The following EXT1 variants were observed in gnomAD, a reference collection of about 807,000 sequenced individuals.
EXT1 encodes exostosin-1.
A neutral mutation model predicts 82.5 loss-of-function variants in EXT1; 20 were observed. The observed-to-expected ratio is 0.24, with a 90% CI of 0.17 to 0.35. The LOEUF (loss-of-function observed/expected upper bound fraction) is 0.35, where lower values mean the gene tolerates loss of function less well. Ranked by LOEUF, EXT1 falls within the 10% of genes least tolerant of loss-of-function variation. The pLI is 1.00. For synonymous variants in EXT1, 348 were observed against 350.8 expected, an observed-to-expected ratio of 0.99 and a Z score of 0.09; for missense variants, 757 against 936.5, an observed-to-expected ratio of 0.81 and a Z score of 2.50.
intron 1 of EXT1, among the ~76,000 whole-genome samples, chr8:118,008,685 T>C (rs1043953028): frequency 3.3e-5 from 5 of 152,200 alleles, no homozygotes; most frequent in Non-Finnish European, 2.9e-5. Flanking sequence ...TAAAGCATTA[T>C]GTATTTAATT....
chr8:118,109,934 C>T (rs1010819723), intron 1 of EXT1, 151 bp downstream of exon 1: 20 of 1,268,144 alleles, frequency 1.6e-5, no homozygotes, highest in East Asian at 9.9e-5. Flanking sequence ...TCTAGCTGCA[C>T]ACCCGAACCG....
intron 1 of EXT1, among the ~76,000 whole-genome samples, chr8:117,920,988 C>G (rs1309550518): frequency 6.6e-6 from 1 of 152,196 alleles, no homozygotes; most frequent in South Asian, 2.1e-4. Flanking sequence ...ACATTTGGAA[C>G]AAGTTTGTAT....
intron 1 of EXT1, among the ~76,000 whole-genome samples, chr8:118,044,965 G>A (rs1445361414): frequency 2.6e-5 from 4 of 152,180 alleles, no homozygotes; most frequent in Admixed American, 1.3e-4. Flanking sequence ...ACTATCTGGC[G>A]CTTCACAGAA....
chr8:118,086,746 G>A (rs555184968), intron 1 of EXT1, among the ~76,000 whole-genome samples: 1 of 152,230 alleles, frequency 6.6e-6, no homozygotes, highest in East Asian at 1.9e-4. Context: ...AAAGGGGTTA[G>A]AAATCTAAAA....
rs1277497059 is a variant in EXT1 at position 117,835,558 on chromosome 8, A to G, written c.1057-7T>C. 1.2e-6 allele frequency: 2 copies of G among 1,605,338 alleles called. No individual in the cohort carries two copies. The highest frequency in any genetic ancestry group is 1.7e-5 in the Admixed American group (1 of 59,998). ...TCACAGGGACGCAGGCAGCCTGAGC[A>G]AAAAAGGGGACTTCGTGAATGTGAG... On this transcript the variant is annotated splice_region_variant and splice_polypyrimidine_tract_variant and intron_variant, in intron 2 of 10. Transcript: ENST00000378204.
rs535578919 is a variant in EXT1 at position 117,854,181 on chromosome 8, T to C, written c.963-16980A>G. On this transcript the variant is annotated intron_variant, in intron 1 of 10. Transcript: ENST00000378204. ...AGAGAGGTAAAGAAGGGAATTTCAG[T>C]TATTAAGGCATTAGTTTGGATTGGA... 1.4e-4 allele frequency among the ~76,000 whole-genome samples: 21 copies of C among 152,318 alleles called. No homozygotes were observed. The South Asian group carries it at 4.4e-3, about 32-fold the overall frequency.
intron 1 of EXT1, among the ~76,000 whole-genome samples, chr8:117,952,235 A>G (rs1377008922): frequency 6.6e-6 from 1 of 152,238 alleles, no homozygotes; most frequent in East Asian, 1.9e-4. Flanking sequence ...TAAATAGCAT[A>G]CACATTACTG....
intron 1 of EXT1, among the ~76,000 whole-genome samples, chr8:117,931,951 G>C (rs1814068783): frequency 6.6e-6 from 1 of 152,156 alleles, no homozygotes; most frequent in African/African-American, 2.4e-5. Context: ...ATATGAAGAA[G>C]AAAATGCCCA....
intron 1 of EXT1, among the ~76,000 whole-genome samples, chr8:117,987,930 A>T (rs911336736): frequency 4.6e-5 from 7 of 152,182 alleles, no homozygotes; most frequent in Non-Finnish European, 7.3e-5. Flanking sequence ...TCTACAAAAA[A>T]TACCAAAATT....
intron 1 of EXT1, among the ~76,000 whole-genome samples, chr8:117,949,082 TGAGA>T (rs1814441373): frequency 6.6e-6 from 1 of 152,150 alleles, no homozygotes; most frequent in African/African-American, 2.4e-5. Context: ...TATTCTTTGT[TGAGA>T]GTATTTAAGA....
rs1342886163 is a variant in EXT1 at position 118,010,447 on chromosome 8, C to T, written c.962+99638G>A. The stretch of plus-strand genomic sequence containing the variant: ...ACCCCCCACCTCTATTTCACCTCTA[C>T]CCAAATCTCATCAAAACAAGCAAAA... On this transcript the variant is annotated intron_variant, in intron 1 of 10. Coordinates refer to ENST00000378204, the MANE Select transcript of EXT1 (RefSeq NM_000127.3). Among the ~76,000 whole-genome samples the T allele has an allele frequency of 2.6e-5, 4 of 151,340 alleles. No individual in the cohort carries two copies. In the East Asian group the frequency reaches 7.7e-4, roughly 29 times the overall value.
At chr8:117,989,406 C>T (rs1815389544) in intron 1 of EXT1, among the ~76,000 whole-genome samples, 1 of 152,118 alleles carries the variant, frequency 6.6e-6, no homozygotes, top group Admixed American at 6.5e-5. Context: ...TTTTGTCTGT[C>T]TGCCTCCACT....
chr8:117,991,378 C>T (rs980113851), intron 1 of EXT1, among the ~76,000 whole-genome samples: 15 of 152,112 alleles, frequency 9.9e-5, no homozygotes, highest in African/African-American at 2.4e-4. Context: ...TTACTTTGTC[C>T]GGCTCATTGC....
chr8:118,053,719 C>G (rs888273283), intron 1 of EXT1, among the ~76,000 whole-genome samples: 2 of 152,230 alleles, frequency 1.3e-5, no homozygotes, highest in Non-Finnish European at 2.9e-5. Flanking sequence ...CCATTTTACA[C>G]ATGAGGGAGC....
At position 117,944,929 on chromosome 8, in the gene EXT1, G is replaced by A. The variant is rs548352773; in HGVS notation, c.963-107728C>T. On this transcript the variant is annotated intron_variant, in intron 1 of 10. Transcript: ENST00000378204. ...TGTAATCCCAGCACTTTGGGAGGCG[G>A]AGGCGGGCGGATCACGAGGTCAGGA... 2.6e-5 allele frequency among the ~76,000 whole-genome samples: 4 copies of A among 152,314 alleles called. No homozygotes were observed. In the East Asian group the frequency reaches 7.8e-4, roughly 30 times the overall value.
intron 1 of EXT1, among the ~76,000 whole-genome samples, chr8:118,091,744 C>CAAA (rs555971666): frequency 6.6e-6 from 1 of 152,032 alleles, no homozygotes; most frequent in African/African-American, 2.4e-5. Context: ...GACTCCATCT[C>CAAA]ACAAAAATAA....
At chr8:117,800,719 G>A (rs1823153759) in intron 10 of EXT1, among the ~76,000 whole-genome samples, 1 of 152,160 alleles carries the variant, frequency 6.6e-6, no homozygotes, top group African/African-American at 2.4e-5. Context: ...AAGAATCACT[G>A]CTCACCCAGA....
chr8:117,925,580 AGAAATTG>A (rs1184579135), intron 1 of EXT1, among the ~76,000 whole-genome samples: 1 of 151,964 alleles, frequency 6.6e-6, no homozygotes, highest in Non-Finnish European at 1.5e-5. Flanking sequence ...CATAAAAACA[AGAAATTG>A]GCCAGGTGTG....
rs1812176874 is a variant in EXT1, at chr8:117,835,617, T to C, written c.1057-66A>G. 7.5e-6 allele frequency: 9 copies of C among 1,203,054 alleles called. 1 individual carries two copies. The highest frequency in any genetic ancestry group is 7.3e-5 in the South Asian group (6 of 82,592). The allele number at this position is 1,203,054 out of a possible 1,614,324, so 74.5% of individuals were successfully genotyped here. ...CAGCAGAAGCTGTTCCAATCAGAGG[T>C]GAAATCAGTACAAACTCAATGACTG... On this transcript the variant is annotated intron_variant, in intron 2 of 10. Transcript: ENST00000378204.
Sources: allele counts gnomAD v4.1 joint callset (sites outside exome capture counted in the v4.1 genomes callset), GRCh38; gene constraint gnomAD v4.1.1; transcripts MANE v1.5; gene names NCBI Gene and HGNC (gene_info 2026-07-23, HGNC 2026-07-21).